The following DYRK4 variants were observed in gnomAD, a reference collection of about 807,000 sequenced individuals.
DYRK4 encodes the protein dual specificity tyrosine phosphorylation regulated kinase 4.
DYRK4 carries 64 observed loss-of-function variants against 68.3 expected under a neutral mutation model. The ratio of observed to expected loss-of-function variants is 0.94; its 90% CI spans 0.77 to 1.15. DYRK4 has a LOEUF of 1.15. DYRK4 is among the 50% of genes most tolerant of loss of function. The pLI is 0.00. For missense variants in DYRK4, 740 were observed against 764.7 expected (o/e 0.97, Z 0.38); for synonymous variants, 274 against 289.9 (o/e 0.95, Z 0.56).
At chr12:4,570,189 C>T (rs1404232720) in intron 2 of DYRK4, among the ~76,000 whole-genome samples, 4 of 151,810 alleles carry the variant, frequency 2.6e-5, no homozygotes, top group Non-Finnish European at 5.9e-5. Context: ...TGCAGTGAGC[C>T]GTGCTTGCGC....
At chr12:4,588,608 A>G (rs2137357780) in intron 2 of DYRK4, among the ~76,000 whole-genome samples, 1 of 152,360 alleles carries the variant, frequency 6.6e-6, no homozygotes, top group East Asian at 1.9e-4. Context: ...TCTAAAGAGC[A>G]AGAGCAGCTC....
rs1945236220 is a variant in DYRK4, at chr12:4,612,633, C to A, written c.1581C>A (p.Pro527=). ...GGAACCTCAAGCCACAGCCCAGGCC[C>A]CAGACCCTGAGGAAATCCAATTCCT... ...QSRNLKPQPR[P]QTLRKSNSFF... is the part of the protein sequence containing the mutation. The change falls in exon 14 of 15, where the codon CCC becomes CCA. Residue 527 remains proline (P), a synonymous_variant. Coordinates refer to ENST00000543431, the MANE Select transcript of DYRK4 (RefSeq NM_001394779.1). 3.1e-6 allele frequency: 5 copies of A among 1,614,068 alleles called. No individual in the cohort carries two copies. Among genetic ancestry groups the A allele is most frequent in the Non-Finnish European group, 3.4e-6 (4 of 1,180,042 alleles).
At chr12:4,585,893 G>T (rs190365526) in intron 2 of DYRK4, among the ~76,000 whole-genome samples, 9 of 152,280 alleles carry the variant, frequency 5.9e-5, no homozygotes, top group Non-Finnish European at 1.0e-4. Flanking sequence ...TCTTCTGAGA[G>T]CTGTGATGGT....
intron 2 of DYRK4, among the ~76,000 whole-genome samples, chr12:4,569,849 AT>A (rs1195895915): frequency 1.3e-5 from 2 of 152,128 alleles, no homozygotes; most frequent in African/African-American, 4.8e-5. Context: ...TTCCTTATAC[AT>A]TTTGATTAAT....
intron 9 of DYRK4, 153 bp from the exon 10 acceptor site, chr12:4,599,554 C>G (rs539948754): frequency 1.7e-6 from 1 of 605,140 alleles, no homozygotes; most frequent in Non-Finnish European, 2.9e-6. Context: ...AAAGTCAGAG[C>G]GGAGGATGAT....
intron 2 of DYRK4, among the ~76,000 whole-genome samples, chr12:4,568,481 GT>G (rs1944698804): frequency 6.6e-6 from 1 of 151,988 alleles, no homozygotes; most frequent in African/African-American, 2.4e-5. Flanking sequence ...CACCTCCTGG[GT>G]TCAAGCGATT....
chr12:4,565,947 C>T (rs1944672040), intron 1 of DYRK4, among the ~76,000 whole-genome samples: 1 of 152,198 alleles, frequency 6.6e-6, no homozygotes, highest in South Asian at 2.1e-4. Context: ...CTTTCATAGT[C>T]TCCTACATCT....
At chr12:4,582,955 TC>T (rs1944858942) in intron 2 of DYRK4, among the ~76,000 whole-genome samples, 1 of 152,062 alleles carries the variant, frequency 6.6e-6, no homozygotes, top group Admixed American at 6.5e-5. Context: ...CTGAGGCCAC[TC>T]AGGAGGAAGG....
intron 1 of DYRK4, among the ~76,000 whole-genome samples, chr12:4,567,114 T>C (rs1944684950): frequency 6.6e-6 from 1 of 152,260 alleles, no homozygotes; most frequent in Non-Finnish European, 1.5e-5. Flanking sequence ...TCAATAGTTA[T>C]ACTGCAAGAA....
chr12:4,590,760 C>G (rs1944945043), intron 4 of DYRK4: 8 of 410,454 alleles, frequency 1.9e-5, no homozygotes, highest in Admixed American at 4.3e-5. Context: ...TGTGTAGGGA[C>G]CAAATAAGAT....
In DYRK4 at chr12:4,610,267, T is replaced by C. The variant is rs762530578; in HGVS notation, c.1473T>C (p.Phe491=). The stretch of plus-strand genomic sequence containing the variant: ...CCTATGACACCAGCTTCCTGGACTT[T>C]CTCAGAAGGTGTTTGGTGTGAGTTT... ...LKTYDTSFLD[F]LRRCLVWEPS... Residue 491 remains phenylalanine (F), a synonymous_variant, in exon 13 of 15, where the codon TTT becomes TTC. Transcript: ENST00000543431. 26 of 1,577,208 alleles carry C rather than the reference T, an allele frequency of 1.6e-5. No individual in the cohort carries two copies. In the South Asian group the frequency reaches 3.1e-4, roughly 19 times the overall value.
Position 4,610,298 on chromosome 12 carries a change from G to A in DYRK4, c.1490+14G>A. 6.6e-7 allele frequency: 1 copy of A among 1,522,544 alleles called. No individual in the cohort carries two copies. The highest frequency in any genetic ancestry group is 8.8e-7 in the Non-Finnish European group (1 of 1,139,774). 94.3% of individuals were successfully genotyped at this position (1,522,544 alleles called of 1,614,324 possible). On this transcript the variant is annotated intron_variant, in intron 13 of 14. Coordinates refer to ENST00000543431, the MANE Select transcript of DYRK4 (RefSeq NM_001394779.1). ...AAGGTGTTTGGTGTGAGTTTGTTGG[G>A]ACATCTCTGCTTCTGGGTTTCCTCT... is the stretch of plus-strand genomic sequence containing the variant.
At chr12:4,604,685 C>T (rs373267185) in intron 10 of DYRK4, among the ~76,000 whole-genome samples, 9 of 152,320 alleles carry the variant, frequency 5.9e-5, no homozygotes, top group East Asian at 1.9e-4. Context: ...ACAGTGCCCA[C>T]GTTGGAGTTC....
chr12:4,577,125 T>C (rs1944797564), intron 2 of DYRK4, among the ~76,000 whole-genome samples: 1 of 152,242 alleles, frequency 6.6e-6, no homozygotes, highest in African/African-American at 2.4e-5. Context: ...AGAAGTTTTA[T>C]AGTTTCGTGA....
intron 2 of DYRK4, among the ~76,000 whole-genome samples, chr12:4,575,298 A>ATTGTGTGTGTGTGTGTGTGTGTGTGTGT (rs562026104): frequency 0.021 from 2,993 of 144,056 alleles, 52 homozygotes; most frequent in African/African-American, 0.042. Context: ...ACAATAACTT[A>ATTGTGTGTGTGTGTGTGTGTGTGTGTGT]CTGTGTGTGT....
intron 6 of DYRK4, among the ~76,000 whole-genome samples, chr12:4,594,745 A>T (rs1944997789): frequency 6.6e-6 from 1 of 152,020 alleles, no homozygotes; most frequent in Non-Finnish European, 1.5e-5. Flanking sequence ...TGGGGAAGAA[A>T]GGGACAATGT....
At chr12:4,602,895 A>G in intron 10 of DYRK4, 2 of 1,001,206 alleles carry the variant, frequency 2.0e-6, no homozygotes, top group South Asian at 2.8e-5. Flanking sequence ...TCATTTTCAA[A>G]ATAACTTTTG....
chr12:4,610,123 G>C, intron 12 of DYRK4, 32 bp from the exon 13 acceptor site: 1 of 1,544,392 alleles, frequency 6.5e-7, no homozygotes, highest in East Asian at 2.3e-5. Flanking sequence ...ATTTACACCT[G>C]AAACTAAATA....
At chr12:4,587,310 C>T (rs1944907592) in intron 2 of DYRK4, among the ~76,000 whole-genome samples, 1 of 152,154 alleles carries the variant, frequency 6.6e-6, no homozygotes, top group African/African-American at 2.4e-5. Flanking sequence ...GGTTAAAGCC[C>T]AGACCAAGCC....
Sources: allele counts gnomAD v4.1 joint callset (sites outside exome capture counted in the v4.1 genomes callset), GRCh38; gene constraint gnomAD v4.1.1; transcripts MANE v1.5; gene names NCBI Gene and HGNC (gene_info 2026-07-23, HGNC 2026-07-21).